Variants in GLI3 observed in about 807,000 individuals in gnomAD.
GLI3 encodes the protein transcription activator GLI3.
GLI3 carries 20 observed loss-of-function variants against 100.8 expected under a neutral mutation model. The ratio of observed to expected loss-of-function variants is 0.20; its 90% CI spans 0.14 to 0.29. The LOEUF (loss-of-function observed/expected upper bound fraction) is 0.29, where lower values mean the gene tolerates loss of function less well. GLI3 is among the 10% of genes least tolerant of loss of function. GLI3 has a pLI of 1.00. For synonymous variants in GLI3, 938 were observed against 860.5 expected, an observed-to-expected ratio of 1.09 and a Z score of -1.58; for missense variants, 2,040 against 2,128.5, an observed-to-expected ratio of 0.96 and a Z score of 0.82.
At position 42,262,209 on chromosome 7, in the gene GLI3, T is replaced by TTCCTTCCTTCCTTCC. The variant is rs1186292634; in HGVS notation, c.-43+1784_-43+1785insGGAAGGAAGGAAGGA. Among the ~76,000 whole-genome samples the TTCCTTCCTTCCTTCC allele has an allele frequency of 6.2e-3, 687 of 110,860 alleles. 20 individuals are homozygous for TTCCTTCCTTCCTTCC. The highest frequency in any genetic ancestry group is 0.019 in the Middle Eastern group (3 of 154). 72.7% of individuals were successfully genotyped at this position (110,860 alleles called of 152,430 possible). On this transcript the variant is annotated intron_variant, in intron 1 of 2. Coordinates refer to the GLI3 transcript ENST00000678978. ...TTCTTTTATTTTTTTTCCTTCCTTC[T>TTCCTTCCTTCCTTCC]TTCCTTCCTTCCTTCTTTCCTTCCT...
intron 2 of GLI3, among the ~76,000 whole-genome samples, chr7:42,216,728 A>C (rs1416997810): frequency 1.3e-5 from 2 of 152,238 alleles, no homozygotes; most frequent in Non-Finnish European, 2.9e-5. Context: ...AAAGGACACA[A>C]GACCTTATGA....
intron 3 of GLI3, among the ~76,000 whole-genome samples, chr7:42,130,686 A>G (rs151075824): frequency 0.011 from 1,680 of 152,278 alleles, 27 homozygotes; most frequent in African/African-American, 0.038. Context: ...GAAGAAAGAA[A>G]AGAGAAAACA....
intron 4 of GLI3, among the ~76,000 whole-genome samples, chr7:42,048,971 C>T (rs1009690524): frequency 6.6e-6 from 1 of 152,156 alleles, no homozygotes; most frequent in Non-Finnish European, 1.5e-5. Flanking sequence ...CAACCTATGG[C>T]TTCTTCCATG....
At chr7:42,007,570 G>C (rs912511056) in intron 10 of GLI3, among the ~76,000 whole-genome samples, 10 of 152,122 alleles carry the variant, frequency 6.6e-5, no homozygotes, top group Non-Finnish European at 1.5e-4. Flanking sequence ...AATAAGCTCG[G>C]CACTAATGTT....
chr7:42,161,727 G>C (rs1378597405), intron 2 of GLI3, among the ~76,000 whole-genome samples: 2 of 152,202 alleles, frequency 1.3e-5, no homozygotes, highest in East Asian at 3.8e-4. Flanking sequence ...ATATGACCTA[G>C]TGTGGCACAT....
intron 2 of GLI3, among the ~76,000 whole-genome samples, chr7:42,217,862 A>T (rs1465257727): frequency 6.6e-6 from 1 of 152,202 alleles, no homozygotes; most frequent in Non-Finnish European, 1.5e-5. Context: ...ATAACGTTTA[A>T]CTCACCAACA....
intron 2 of GLI3, among the ~76,000 whole-genome samples, chr7:42,211,406 A>C (rs1788271847): frequency 1.3e-5 from 2 of 152,248 alleles, no homozygotes; most frequent in African/African-American, 4.8e-5. Flanking sequence ...ACTTGCCAGG[A>C]TTTGAAAACA....
At chr7:42,025,241 C>T (rs751082133) in intron 9 of GLI3, 23 bp downstream of exon 9, 1 of 1,495,722 alleles carries the variant, frequency 6.7e-7, no homozygotes. Flanking sequence ...TGGGCGCTGG[C>T]CTGTGCGGCC....
intron 3 of GLI3, among the ~76,000 whole-genome samples, chr7:42,097,732 A>G (rs1785370781): frequency 6.6e-6 from 1 of 152,198 alleles, no homozygotes; most frequent in African/African-American, 2.4e-5. Context: ...GAAGTGAGTA[A>G]ACGTGTAATT....
intron 2 of GLI3, chr7:42,222,676 A>G (rs1281349598): frequency 5.9e-6 from 1 of 168,942 alleles, no homozygotes; most frequent in Non-Finnish European, 1.3e-5. Flanking sequence ...GTCATTAACA[A>G]TTCTTAAAAT....
rs890431070 is a variant in GLI3, at chr7:41,965,455, C to T, written c.3618G>A (p.Arg1206=). Reference sequence around the variant, plus strand: ...TCTGATAGCCCCCAGCAGGCCCGCTCCTCAAGGGGTTCTGCGGGTGGACGA... The same window carrying T: ...TCTGATAGCCCCCAGCAGGCCCGCTTCTCAAGGGGTTCTGCGGGTGGACGA... ...GMVVHPQNPL[R]SGPAGGYQTL... The change falls in exon 15 of 15, where the codon AGG becomes AGA. Residue 1206 remains arginine, a synonymous_variant. Transcript: ENST00000395925. The T allele has an allele frequency of 1.2e-6, 2 of 1,608,594 alleles. No homozygotes were observed. The highest frequency in any genetic ancestry group is 1.7e-6 in the Non-Finnish European group (2 of 1,177,380).
intron 4 of GLI3, among the ~76,000 whole-genome samples, chr7:42,062,833 T>A (rs749310019): frequency 6.6e-6 from 1 of 151,906 alleles, no homozygotes; most frequent in Non-Finnish European, 1.5e-5. Flanking sequence ...TGCTAGAAAA[T>A]TACTGTGCAG....
At chr7:42,194,106 C>A (rs1385389672) in intron 2 of GLI3, among the ~76,000 whole-genome samples, 3 of 152,122 alleles carry the variant, frequency 2.0e-5, no homozygotes, top group Non-Finnish European at 4.4e-5. Context: ...CAGTTCCTTG[C>A]CCCTATTCCC....
intron 2 of GLI3, among the ~76,000 whole-genome samples, chr7:42,188,060 C>G (rs1157454044): frequency 6.8e-6 from 1 of 147,080 alleles, no homozygotes; most frequent in Non-Finnish European, 1.5e-5. Context: ...GGGAGAACAT[C>G]ATGTAAAGAT....
intron 2 of GLI3, among the ~76,000 whole-genome samples, chr7:42,155,606 A>C (rs1786983839): frequency 6.6e-6 from 1 of 152,222 alleles, no homozygotes; most frequent in Non-Finnish European, 1.5e-5. Flanking sequence ...AAAGAGCAGC[A>C]GGTTAGAGCT....
intron 3 of GLI3, among the ~76,000 whole-genome samples, chr7:42,103,705 C>G (rs994958395): frequency 2.6e-5 from 4 of 151,596 alleles, no homozygotes; most frequent in African/African-American, 9.7e-5. Flanking sequence ...TTCTCAGCTG[C>G]GAACACTGAG....
chr7:42,242,073 C>T (rs78662263), upstream of GLI3, among the ~76,000 whole-genome samples: 1,666 of 152,272 alleles, frequency 0.011, 12 homozygotes, highest in Non-Finnish European at 0.017. Context: ...GGTGGTTTCA[C>T]CTGTCTCTTC....
chr7:42,150,388 A>G (rs771495688), intron 2 of GLI3, among the ~76,000 whole-genome samples: 3 of 152,190 alleles, frequency 2.0e-5, no homozygotes, highest in Admixed American at 1.3e-4. Flanking sequence ...CAGTCTATAG[A>G]ATAAGAATTT....
At position 42,147,820 on chromosome 7, in the gene GLI3, A is replaced by C. The variant is rs1272052026; in HGVS notation, c.367+406T>G. Among the ~76,000 whole-genome samples the C allele has an allele frequency of 5.9e-5, 9 of 152,340 alleles. No homozygotes were observed. In the East Asian group the frequency reaches 1.5e-3, roughly 26 times the overall value. On this transcript the variant is annotated intron_variant, in intron 3 of 14. Coordinates refer to ENST00000395925, the MANE Select transcript of GLI3 (RefSeq NM_000168.6). ...TCATTACATTAAAAAATCATTAAAA[A>C]TGGGAATTGCGGCTGTTGAGCACTT...
Sources: allele counts gnomAD v4.1 joint callset (sites outside exome capture counted in the v4.1 genomes callset), GRCh38; gene constraint gnomAD v4.1.1; transcripts MANE v1.5; gene names NCBI Gene and HGNC (gene_info 2026-07-23, HGNC 2026-07-21).